Variants in SNTG1 observed in about 807,000 individuals in gnomAD.
SNTG1 encodes the protein syntrophin gamma 1.
SNTG1 carries 39 observed loss-of-function variants against 74.7 expected under a neutral mutation model. The observed-to-expected ratio is 0.52, with a 90% CI of 0.40 to 0.68. The LOEUF (loss-of-function observed/expected upper bound fraction) is 0.68. SNTG1 is among the 30% of genes least tolerant of loss of function. The pLI, the probability that SNTG1 is intolerant of heterozygous loss-of-function variation, is 0.00. For missense variants in SNTG1, 685 were observed against 609.5 expected (o/e 1.12, Z -1.30); for synonymous variants, 254 against 217.1 (o/e 1.17, Z -1.49).
At chr8:50,705,631 C>T (rs1049106686) in intron 16 of SNTG1, among the ~76,000 whole-genome samples, 7 of 151,810 alleles carry the variant, frequency 4.6e-5, no homozygotes, top group African/African-American at 1.2e-4. Flanking sequence ...GCTTGTTATT[C>T]CCTGCACTAA....
chr8:49,932,192 GT>G (rs1807654853), intron 1 of SNTG1, among the ~76,000 whole-genome samples: 1 of 152,098 alleles, frequency 6.6e-6, no homozygotes, highest in Admixed American at 6.5e-5. Context: ...TGCTTACTCA[GT>G]TTTCTGTTTT....
chr8:50,478,982 CCTCT>C (rs1195407881), intron 8 of SNTG1, among the ~76,000 whole-genome samples: 5 of 152,098 alleles, frequency 3.3e-5, no homozygotes, highest in African/African-American at 9.7e-5. Flanking sequence ...CTTCCAAGCT[CCTCT>C]CTAAGTAGTA....
At chr8:50,642,004 T>C (rs138241529) in intron 13 of SNTG1, among the ~76,000 whole-genome samples, 2 of 152,354 alleles carry the variant, frequency 1.3e-5, no homozygotes, top group East Asian at 3.9e-4. Flanking sequence ...TTATCAAATT[T>C]ATTTCTTCGT....
intron 2 of SNTG1, among the ~76,000 whole-genome samples, chr8:50,357,732 G>A (rs762630180): frequency 6.6e-6 from 1 of 152,170 alleles, no homozygotes; most frequent in African/African-American, 2.4e-5. Flanking sequence ...TCAGTAGACT[G>A]ATAACTGCTT....
chr8:50,477,888 C>T (rs932184967), intron 8 of SNTG1, among the ~76,000 whole-genome samples: 1 of 152,110 alleles, frequency 6.6e-6, no homozygotes, highest in Non-Finnish European at 1.5e-5. Context: ...TCTCTCTCTC[C>T]TCTCTGGAAT....
chr8:50,508,546 A>T (rs1195401570), intron 9 of SNTG1, among the ~76,000 whole-genome samples: 2 of 152,126 alleles, frequency 1.3e-5, no homozygotes, highest in African/African-American at 2.4e-5. Context: ...AACGATGTAA[A>T]GTTTTCCTAT....
chr8:50,790,542 T>C lies in SNTG1; in HGVS notation c.1396-2129T>C, dbSNP rs569290496. Among the ~76,000 whole-genome samples, 706 of 151,972 alleles carry C rather than the reference T, an allele frequency of 4.6e-3. 2 individuals are homozygous for C. The highest frequency in any genetic ancestry group is 0.01 in the Middle Eastern group (3 of 294). On this transcript the variant is annotated intron_variant, in intron 18 of 18. Transcript: ENST00000642720. ...CAGGTCTAGTACTCACATAAGAAATTAGTAAATGAGCAGTGTGAGTTTACA... is the reference window on the plus strand; with the variant it reads ...CAGGTCTAGTACTCACATAAGAAATCAGTAAATGAGCAGTGTGAGTTTACA...
At chr8:50,027,375 T>C (rs1443173534) in intron 1 of SNTG1, among the ~76,000 whole-genome samples, 2 of 152,174 alleles carry the variant, frequency 1.3e-5, no homozygotes, top group Non-Finnish European at 2.9e-5. Flanking sequence ...TGTCCATCTG[T>C]ACTGCGTTGA....
chr8:50,710,986 G>A (rs970165234), intron 17 of SNTG1, among the ~76,000 whole-genome samples: 4 of 152,132 alleles, frequency 2.6e-5, no homozygotes, highest in Non-Finnish European at 5.9e-5. Context: ...CATTAATCAA[G>A]AAGGTTATAT....
chr8:50,417,270 A>G (rs958792419), intron 4 of SNTG1, among the ~76,000 whole-genome samples: 1 of 152,110 alleles, frequency 6.6e-6, no homozygotes, highest in Admixed American at 6.6e-5. Flanking sequence ...TGAATTTTCT[A>G]CTAGTTATGA....
At chr8:50,166,622 A>G (rs2082622192) in intron 1 of SNTG1, among the ~76,000 whole-genome samples, 1 of 68,166 alleles carries the variant, frequency 1.5e-5, no homozygotes, top group Admixed American at 1.6e-4. Flanking sequence ...TCAGGAAACA[A>G]CAGGTGCTGG....
chr8:50,513,628 C>T (rs996568389), intron 9 of SNTG1, among the ~76,000 whole-genome samples: 3 of 152,232 alleles, frequency 2.0e-5, no homozygotes, highest in Non-Finnish European at 2.9e-5. Context: ...GATGCCCCTC[C>T]CCAGCCTCAC....
intron 2 of SNTG1, among the ~76,000 whole-genome samples, chr8:50,257,273 C>T (rs1177109282): frequency 6.6e-6 from 1 of 152,132 alleles, no homozygotes; most frequent in African/African-American, 2.4e-5. Context: ...CAAACCTAGC[C>T]CACTTATAGG....
At chr8:50,249,847 T>C (rs1245075736) in intron 2 of SNTG1, among the ~76,000 whole-genome samples, 1 of 151,950 alleles carries the variant, frequency 6.6e-6, no homozygotes, top group African/African-American at 2.4e-5. Flanking sequence ...AGTTATTCCA[T>C]AAATTGGAAA....
chr8:50,708,833 A>G, intron 16 of SNTG1, 53 bp from the exon 17 acceptor site: 2 of 1,185,260 alleles, frequency 1.7e-6, no homozygotes, highest in Non-Finnish European at 2.5e-6. Flanking sequence ...AGTTCATAAT[A>G]TTGATATTGC....
chr8:50,515,478 C>T (rs1158988498), intron 9 of SNTG1, among the ~76,000 whole-genome samples: 2 of 135,604 alleles, frequency 1.5e-5, no homozygotes, highest in Non-Finnish European at 3.0e-5. Context: ...GGAAAGGGGG[C>T]TGAAGCCAAG....
intron 1 of SNTG1, among the ~76,000 whole-genome samples, chr8:50,080,730 T>C (rs1000094226): frequency 6.6e-6 from 1 of 152,112 alleles, no homozygotes; most frequent in Admixed American, 6.6e-5. Context: ...AATTTGTTAT[T>C]GTAGTATGAA....
chr8:50,482,570 C>T (rs2093749817), intron 8 of SNTG1, among the ~76,000 whole-genome samples: 1 of 152,142 alleles, frequency 6.6e-6, no homozygotes, highest in African/African-American at 2.4e-5. Flanking sequence ...CCATTTCAAT[C>T]TTAGGTCTGA....
At chr8:50,431,609 G>C (rs1448350092) in intron 4 of SNTG1, among the ~76,000 whole-genome samples, 1 of 152,128 alleles carries the variant, frequency 6.6e-6, no homozygotes, top group Non-Finnish European at 1.5e-5. Context: ...GGTTAGCTTT[G>C]TAAGAAACTG....
Sources: gnomAD v4.1 joint callset for allele counts (sites outside exome capture counted in the v4.1 genomes callset) on GRCh38, gnomAD v4.1.1 for gene constraint, MANE v1.5 for transcripts, NCBI Gene and HGNC (gene_info 2026-07-23, HGNC 2026-07-21) for gene names.